Variants in ITGA4 observed in about 807,000 individuals in gnomAD.
ITGA4 encodes integrin alpha-4.
Under a neutral mutation model 133.6 loss-of-function variants are expected in ITGA4, and 63 were observed. The observed-to-expected ratio is 0.47, with a 90% CI of 0.38 to 0.58. The LOEUF is 0.58. ITGA4 is among the 20% of genes least tolerant of loss of function. ITGA4 has a pLI of 0.00. For missense variants in ITGA4, 1,076 were observed against 1,252.7 expected, an observed-to-expected ratio of 0.86 and a Z score of 2.13; for synonymous variants, 483 against 438.0, an observed-to-expected ratio of 1.10 and a Z score of -1.28.
intron 2 of ITGA4, among the ~76,000 whole-genome samples, chr2:181,465,567 A>G (rs982933134): frequency 2.6e-5 from 4 of 152,298 alleles, no homozygotes; most frequent in African/African-American, 9.6e-5. Flanking sequence ...TGGCATCCAC[A>G]CATTAGTGAT....
chr2:181,460,975 A>G (rs1685262197), intron 2 of ITGA4, among the ~76,000 whole-genome samples: 1 of 152,010 alleles, frequency 6.6e-6, no homozygotes, highest in East Asian at 1.9e-4. Context: ...CTTGCTATCA[A>G]GAACCTGAAG....
intron 9 of ITGA4, among the ~76,000 whole-genome samples, chr2:181,483,023 TA>T (rs1287171983): frequency 6.6e-6 from 1 of 152,176 alleles, no homozygotes; most frequent in East Asian, 1.9e-4. Flanking sequence ...GGTCCTTATA[TA>T]AATTATAAAA....
intron 1 of ITGA4, 64 bp downstream of exon 1, chr2:181,457,915 G>C: frequency 1.4e-6 from 2 of 1,437,146 alleles, no homozygotes; most frequent in Non-Finnish European, 1.9e-6. Flanking sequence ...GCGCCCTAGG[G>C]ATTCCCTGCC....
intron 2 of ITGA4, among the ~76,000 whole-genome samples, chr2:181,469,930 G>A (rs1027467526): frequency 1.3e-5 from 2 of 152,162 alleles, no homozygotes; most frequent in South Asian, 4.2e-4. Flanking sequence ...TGGGGGGATG[G>A]GGGAGGGATA....
intron 15 of ITGA4, 61 bp from the exon 16 acceptor site, chr2:181,509,597 T>C: frequency 1.5e-6 from 2 of 1,378,558 alleles, no homozygotes; most frequent in Non-Finnish European, 2.0e-6. Flanking sequence ...GAAAGGAGTT[T>C]TATTTTTTTT....
intron 24 of ITGA4, among the ~76,000 whole-genome samples, chr2:181,531,441 G>A (rs1342444015): frequency 6.6e-6 from 1 of 152,098 alleles, no homozygotes; most frequent in Non-Finnish European, 1.5e-5. Context: ...ATATGCTGCA[G>A]TTTAAATACT....
intron 17 of ITGA4, among the ~76,000 whole-genome samples, chr2:181,514,680 C>A (rs1335301561): frequency 6.6e-6 from 1 of 152,056 alleles, no homozygotes; most frequent in Admixed American, 6.6e-5. Flanking sequence ...CTTTTCTAAG[C>A]TGCAAGTAAA....
chr2:181,472,521 A>C (rs573882740), intron 2 of ITGA4, among the ~76,000 whole-genome samples: 1 of 152,286 alleles, frequency 6.6e-6, no homozygotes, highest in African/African-American at 2.4e-5. Flanking sequence ...AATTCATAAA[A>C]ATTTTAGTAT....
intron 17 of ITGA4, among the ~76,000 whole-genome samples, chr2:181,513,901 C>T (rs189655860): frequency 1.3e-3 from 192 of 152,212 alleles, no homozygotes; most frequent in Non-Finnish European, 2.1e-3. Context: ...CCTGTGCTCA[C>T]GATTATTGAA....
chr2:181,478,572 C>G (rs978465245), intron 4 of ITGA4, among the ~76,000 whole-genome samples, 185 bp from the exon 5 acceptor site: 5 of 151,898 alleles, frequency 3.3e-5, no homozygotes, highest in Non-Finnish European at 2.9e-5. Flanking sequence ...TTTTTATTGC[C>G]ATTTCATAGG....
At chr2:181,480,957 G>C (rs1451081227) in intron 6 of ITGA4, among the ~76,000 whole-genome samples, 2 of 152,068 alleles carry the variant, frequency 1.3e-5, no homozygotes, top group Non-Finnish European at 1.5e-5. Flanking sequence ...TAGATTTTCA[G>C]AAAATCCAGC....
chr2:181,499,298 G>C (rs1559048223), intron 15 of ITGA4, among the ~76,000 whole-genome samples: 1 of 152,116 alleles, frequency 6.6e-6, no homozygotes. Context: ...TCATCTGTGG[G>C]CCAGGACGAT....
intron 15 of ITGA4, among the ~76,000 whole-genome samples, chr2:181,508,433 A>G (rs1180943447): frequency 6.6e-6 from 1 of 151,944 alleles, no homozygotes; most frequent in Non-Finnish European, 1.5e-5. Context: ...CGGTGGTTCA[A>G]GCCTGTAATC....
At chr2:181,473,169 C>T (rs1685595910) in intron 2 of ITGA4, among the ~76,000 whole-genome samples, 1 of 152,234 alleles carries the variant, frequency 6.6e-6, no homozygotes, top group Admixed American at 6.5e-5. Context: ...TGGATGGGTA[C>T]TGGCCCGTGG....
In ITGA4 at chr2:181,537,785, A is replaced by C. The variant is rs1161423423; in HGVS notation, c.*2258A>C. On this transcript the variant is annotated 3_prime_UTR_variant, in exon 28 of 28. Coordinates refer to ENST00000397033, the MANE Select transcript of ITGA4 (RefSeq NM_000885.6). Reference sequence around the variant, plus strand: ...ATATCTAAAAACAGAATTTGAATTGATATTTCATCTTGACTTTTAAAGCCC... The same window carrying C: ...ATATCTAAAAACAGAATTTGAATTGCTATTTCATCTTGACTTTTAAAGCCC... The C allele has an allele frequency of 4.4e-6, 2 of 457,636 alleles. No homozygotes were observed. The highest frequency in any genetic ancestry group is 2.0e-5 in the African/African-American group (1 of 50,132). The allele number at this position is 457,636 out of a possible 1,614,324, so 28.3% of individuals were successfully genotyped here. A position where few individuals can be genotyped will look rare whatever the true frequency, so the allele number is the denominator to read the frequency against.
At chr2:181,481,053 C>T (rs1685790480) in intron 6 of ITGA4, among the ~76,000 whole-genome samples, 1 of 152,054 alleles carries the variant, frequency 6.6e-6, no homozygotes, top group Non-Finnish European at 1.5e-5. Context: ...TCTATTCAAA[C>T]AGAAGAAATT....
intron 15 of ITGA4, 174 bp downstream of exon 15, chr2:181,498,951 C>G (rs898750918): frequency 9.1e-6 from 8 of 879,542 alleles, no homozygotes; most frequent in Non-Finnish European, 1.4e-6. Context: ...CCAAGTAATT[C>G]AGAGTCCTCT....
chr2:181,497,592 G>C (rs1686181340), intron 14 of ITGA4, among the ~76,000 whole-genome samples: 1 of 152,078 alleles, frequency 6.6e-6, no homozygotes, highest in Admixed American at 6.5e-5. Flanking sequence ...GGATTTATTT[G>C]AAATGTGTAA....
chr2:181,506,482 C>A (rs1686395580), intron 15 of ITGA4, among the ~76,000 whole-genome samples: 1 of 151,938 alleles, frequency 6.6e-6, no homozygotes, highest in South Asian at 2.1e-4. Context: ...GTGGTGGACC[C>A]CAGATTTGAA....
Sources: gnomAD v4.1 joint callset for allele counts (sites outside exome capture counted in the v4.1 genomes callset) on GRCh38, gnomAD v4.1.1 for gene constraint, MANE v1.5 for transcripts, NCBI Gene and HGNC (gene_info 2026-07-23, HGNC 2026-07-21) for gene names.